ACADM: variants seen among roughly 807,000 people sequenced by gnomAD.
The protein encoded by ACADM is acyl-CoA dehydrogenase medium chain, also known as medium-chain specific acyl-CoA dehydrogenase, mitochondrial.
ACADM carries 49 observed loss-of-function variants against 58.9 expected under a neutral mutation model. The observed-to-expected ratio is 0.83, with a 90% CI of 0.66 to 1.06. The LOEUF is 1.06. Among genes scored for constraint, ACADM ranks in the 50% least tolerant of loss-of-function variants. The probability of loss-of-function intolerance (pLI) is 0.00; values close to 1 mark genes in which losing one functional copy is unlikely to be tolerated. For missense variants in ACADM, 496 were observed against 507.0 expected (o/e 0.98, Z 0.21); for synonymous variants, 160 against 157.7 (o/e 1.01, Z -0.11).
rs568057103 is a variant in ACADM at position 75,756,812 on chromosome 1, C to G, written c.946-4310C>G. 2.5e-4 allele frequency among the ~76,000 whole-genome samples: 38 copies of G among 152,304 alleles called. No individual in the cohort carries two copies. In the South Asian group the frequency reaches 7.9e-3, roughly 32 times the overall value. On this transcript the variant is annotated intron_variant, in intron 10 of 11. Coordinates refer to ENST00000370841, the MANE Select transcript of ACADM (RefSeq NM_000016.6). ...TCATGCTACCTGACTTCAAACTATACTACAAGGCTACAGTAACCAAAACAG... is the reference window on the plus strand; with the variant it reads ...TCATGCTACCTGACTTCAAACTATAGTACAAGGCTACAGTAACCAAAACAG...
In ACADM at chr1:75,732,872, G is replaced by A. The variant is rs2100363531; in HGVS notation, c.236G>A (p.Arg79Lys). ...TTCTAGTATCCAGTCCCCCTAATTA[G>A]AAGAGCCTGGGAACTTGGTTTAATG... ...KTGEYPVPLIRRAWELGLMNT... is the reference protein window; with the variant it reads ...KTGEYPVPLIKRAWELGLMNT... The change falls in exon 4 of 12, where the codon AGA (arginine) becomes AAA (lysine). Residue 79 changes from arginine (R) to lysine (K), a missense_variant. Physicochemically the swap from Arg to Lys is conservative, Grantham distance 26. Transcript: ENST00000370841. 1 of 1,613,810 alleles carries A rather than the reference G, an allele frequency of 6.2e-7. No individual in the cohort carries two copies. Among genetic ancestry groups the A allele is most frequent in the Non-Finnish European group, 8.5e-7 (1 of 1,179,760 alleles).
At chr1:75,741,936 A>G (rs1013791017) in intron 7 of ACADM, among the ~76,000 whole-genome samples, 22 of 152,376 alleles carry the variant, frequency 1.4e-4, no homozygotes, top group African/African-American at 5.0e-4. Context: ...AATATTCATA[A>G]TAACTCAGCT....
intron 10 of ACADM, among the ~76,000 whole-genome samples, chr1:75,754,696 G>A (rs1648400035): frequency 6.6e-6 from 1 of 152,242 alleles, no homozygotes; most frequent in Non-Finnish European, 1.5e-5. Flanking sequence ...CCCAGCATGA[G>A]TGACACAGAA....
chr1:75,743,371 G>A, intron 7 of ACADM: 1 of 1,585,772 alleles, frequency 6.3e-7, no homozygotes, highest in South Asian at 1.1e-5. Context: ...GGAGAAGACT[G>A]GTTTTCAGTT....
intron 1 of ACADM, among the ~76,000 whole-genome samples, chr1:75,725,693 A>G (rs187559575): frequency 6.6e-6 from 1 of 152,374 alleles, no homozygotes; most frequent in African/African-American, 2.4e-5. Context: ...GTTCAATTCT[A>G]GTGGTGCTGT....
chr1:75,743,494 C>T, intron 7 of ACADM: 2 of 1,610,352 alleles, frequency 1.2e-6, no homozygotes, highest in Non-Finnish European at 1.7e-6. Flanking sequence ...AGCCTCTCTG[C>T]CATCAATCAG....
chr1:75,734,768 T>C, intron 5 of ACADM, 23 bp from the exon 6 acceptor site: 1 of 1,572,648 alleles, frequency 6.4e-7, no homozygotes, highest in Non-Finnish European at 8.7e-7. Context: ...ACTTGATTTT[T>C]TAATGTCAAT....
At chr1:75,742,854 T>C (rs915758860) in intron 7 of ACADM, among the ~76,000 whole-genome samples, 1 of 152,064 alleles carries the variant, frequency 6.6e-6, no homozygotes, top group African/African-American at 2.4e-5. Context: ...CTGGTAGAGG[T>C]AGAAGAGGCA....
intron 7 of ACADM, among the ~76,000 whole-genome samples, chr1:75,742,685 G>A (rs1243009307): frequency 6.6e-6 from 1 of 152,166 alleles, no homozygotes; most frequent in Admixed American, 6.5e-5. Context: ...CCCCAGCTGT[G>A]TGAGATTGTG....
At chr1:75,751,133 AGATCAAGACCATCCT>A (rs1481919364) in intron 10 of ACADM, among the ~76,000 whole-genome samples, 2 of 150,238 alleles carry the variant, frequency 1.3e-5, no homozygotes, top group African/African-American at 4.9e-5. Flanking sequence ...TGAGGTCAGG[AGATCAAGACCATCCT>A]GGCTAACACG....
At chr1:75,743,298 C>T in intron 7 of ACADM, 2 of 1,104,762 alleles carry the variant, frequency 1.8e-6, no homozygotes, top group Non-Finnish European at 2.6e-6. Flanking sequence ...TGCTCTGCTT[C>T]CTTGCTTGAG....
chr1:75,749,618 A>AT (rs1327925620), intron 9 of ACADM, 59 bp downstream of exon 9: 25 of 1,441,666 alleles, frequency 1.7e-5, no homozygotes, highest in Non-Finnish European at 2.3e-5. Flanking sequence ...TTAAATAAGT[A>AT]TTTTTACTTT....
intron 2 of ACADM, among the ~76,000 whole-genome samples, chr1:75,729,985 C>T (rs755728146): frequency 8.2e-5 from 12 of 146,314 alleles, no homozygotes; most frequent in Non-Finnish European, 1.5e-4. Context: ...ACCTCTGCCT[C>T]CTGGGTTCAA....
At chr1:75,750,986 C>A in intron 10 of ACADM, 1 of 252,426 alleles carries the variant, frequency 4.0e-6, no homozygotes, top group South Asian at 4.9e-5. Context: ...CCGCCTCAGC[C>A]TCCCATAGTG....
chr1:75,750,751 ATTTTT>A, intron 10 of ACADM: 1 of 504,348 alleles, frequency 2.0e-6, no homozygotes. Context: ...TGTGCTATGC[ATTTTT>A]TTTTTTTTTT....
intron 10 of ACADM, among the ~76,000 whole-genome samples, chr1:75,757,837 A>T (rs1648595538): frequency 6.6e-6 from 1 of 152,106 alleles, no homozygotes; most frequent in Non-Finnish European, 1.5e-5. Context: ...GACACTACCT[A>T]CCCAGAGATA....
chr1:75,742,203 C>G (rs962964742), intron 7 of ACADM, among the ~76,000 whole-genome samples: 1 of 146,232 alleles, frequency 6.8e-6, no homozygotes, highest in African/African-American at 2.5e-5. Flanking sequence ...AAAAGGCACT[C>G]TCTACTGGCC....
At chr1:75,757,807 G>A (rs1321983318) in intron 10 of ACADM, among the ~76,000 whole-genome samples, 1 of 152,160 alleles carries the variant, frequency 6.6e-6, no homozygotes, top group Non-Finnish European at 1.5e-5. Context: ...CACTAGCTGG[G>A]TATCCTCCAA....
At chr1:75,752,539 A>G (rs1209868602) in intron 10 of ACADM, among the ~76,000 whole-genome samples, 1 of 152,138 alleles carries the variant, frequency 6.6e-6, no homozygotes, top group Middle Eastern at 3.2e-3. Context: ...TAATTTTTTC[A>G]GATCTGCTTT....
Sources: allele counts gnomAD v4.1 joint callset (sites outside exome capture counted in the v4.1 genomes callset), GRCh38; gene constraint gnomAD v4.1.1; transcripts MANE v1.5; gene names NCBI Gene and HGNC (gene_info 2026-07-23, HGNC 2026-07-21).